The following RPA1 variants were observed in gnomAD, a reference collection of about 807,000 sequenced individuals.
RPA1 encodes the protein replication protein A1, also known as replication protein A 70 kDa DNA-binding subunit.
A neutral mutation model predicts 83.0 loss-of-function variants in RPA1; 49 were observed. The observed-to-expected ratio is 0.59, with a 90% CI of 0.47 to 0.75. RPA1 has a LOEUF of 0.75. Ranked by LOEUF, RPA1 falls within the 30% of genes least tolerant of loss-of-function variation. The pLI is 0.00. For missense variants in RPA1, 693 were observed against 776.1 expected (o/e 0.89, Z 1.27); for synonymous variants, 279 against 281.8 (o/e 0.99, Z 0.10).
rs145971466 is a variant in RPA1, at chr17:1,883,920, C to T, written c.1350C>T (p.Ser450=). The change falls in exon 13 of 17, where the codon TCC becomes TCT. Residue 450 remains serine, a synonymous_variant. Transcript: ENST00000254719. ...TNWKTLYEVK[S]ENLGQGDKPD... is the part of the protein sequence containing the mutation. ...GGAAAACCTTGTATGAGGTCAAATC[C>T]GAGAACCTGGGCCAAGGCGACAAGG... 174 of 1,613,952 alleles carry T rather than the reference C, an allele frequency of 1.1e-4. No individual in the cohort carries two copies. The African/African-American group carries it at 2.0e-3, about 18-fold the overall frequency.
intron 5 of RPA1, among the ~76,000 whole-genome samples, chr17:1,868,099 A>G (rs1913247642): frequency 6.6e-6 from 1 of 152,158 alleles, no homozygotes; most frequent in African/African-American, 2.4e-5. Flanking sequence ...GGAAAAAAAA[A>G]GAAAATAAAC....
intron 1 of RPA1, among the ~76,000 whole-genome samples, chr17:1,831,898 CTTTTTTT>C (rs138268342): frequency 1.1e-4 from 4 of 37,816 alleles, no homozygotes; most frequent in Non-Finnish European, 1.6e-4. Context: ...TGTGCCCGGC[CTTTTTTT>C]TTTTTTTTTT....
chr17:1,894,478 GA>G (rs1914322727), intron 15 of RPA1, among the ~76,000 whole-genome samples: 2 of 152,188 alleles, frequency 1.3e-5, no homozygotes, highest in Non-Finnish European at 2.9e-5. Flanking sequence ...TAAAGTCTTA[GA>G]AACTTCCTAA....
At chr17:1,853,415 G>A (rs1912574171) in intron 5 of RPA1, among the ~76,000 whole-genome samples, 1 of 152,190 alleles carries the variant, frequency 6.6e-6, no homozygotes, top group Admixed American at 6.5e-5. Flanking sequence ...GTGCACGGTG[G>A]CTCACACCTG....
intron 12 of RPA1, among the ~76,000 whole-genome samples, chr17:1,882,567 C>T (rs933901024): frequency 4.6e-5 from 7 of 152,112 alleles, no homozygotes; most frequent in African/African-American, 7.2e-5. Context: ...ACTCGGGAGG[C>T]TGAGGCACGA....
chr17:1,859,684 A>G (rs1912865685), intron 5 of RPA1, among the ~76,000 whole-genome samples: 1 of 152,026 alleles, frequency 6.6e-6, no homozygotes, highest in South Asian at 2.1e-4. Context: ...AGGCTGGAGT[A>G]CAGTGGTACA....
At chr17:1,881,778 T>C (rs1429269253) in intron 12 of RPA1, among the ~76,000 whole-genome samples, 4 of 152,184 alleles carry the variant, frequency 2.6e-5, no homozygotes, top group Non-Finnish European at 5.9e-5. Context: ...ATAAAATAAC[T>C]TGGCATTGAT....
chr17:1,868,876 G>C (rs1417171109), intron 5 of RPA1, among the ~76,000 whole-genome samples: 1 of 152,146 alleles, frequency 6.6e-6, no homozygotes, highest in Non-Finnish European at 1.5e-5. Context: ...CTGTATTTTT[G>C]TCTGCGTATA....
chr17:1,877,116 T>A (rs1236704207), intron 7 of RPA1, 96 bp from the exon 8 acceptor site: 1 of 1,144,496 alleles, frequency 8.7e-7, no homozygotes, highest in Non-Finnish European at 1.3e-6. Flanking sequence ...GAAAACGGAA[T>A]ATGCGTAAGA....
intron 5 of RPA1, among the ~76,000 whole-genome samples, chr17:1,868,005 G>T (rs1474254584): frequency 6.6e-6 from 1 of 151,756 alleles, no homozygotes; most frequent in Non-Finnish European, 1.5e-5. Flanking sequence ...ATTGCTTGAG[G>T]CCAGGAGGTC....
At chr17:1,849,353 T>C (rs748730563) in intron 4 of RPA1, among the ~76,000 whole-genome samples, 24 of 147,420 alleles carry the variant, frequency 1.6e-4, no homozygotes, top group Admixed American at 2.8e-4. Context: ...AGTGCAGTGG[T>C]GCGATCTCGG....
At chr17:1,862,194 A>ATTTTTTTT (rs57509401) in intron 5 of RPA1, among the ~76,000 whole-genome samples, 2 of 93,182 alleles carry the variant, frequency 2.1e-5, no homozygotes, top group Non-Finnish European at 3.8e-5. Context: ...CCCCAACCGT[A>ATTTTTTTT]TTTTTTTTTT....
chr17:1,867,860 G>A (rs957883676), intron 5 of RPA1, among the ~76,000 whole-genome samples: 1 of 152,006 alleles, frequency 6.6e-6, no homozygotes, highest in Non-Finnish European at 1.5e-5. Flanking sequence ...AGGAGGATCA[G>A]TTGCGCCCAG....
intron 5 of RPA1, among the ~76,000 whole-genome samples, chr17:1,855,966 T>C (rs1912677069): frequency 2.0e-5 from 3 of 152,202 alleles, no homozygotes; most frequent in Admixed American, 2.0e-4. Context: ...TTGAATTTAT[T>C]AGTCTATAGA....
chr17:1,830,761 G>A (rs1911523671), intron 1 of RPA1: 1 of 122,086 alleles, frequency 8.2e-6, no homozygotes, highest in Non-Finnish European at 1.9e-5. Context: ...TGACTCCCGA[G>A]GCAATTTCTT....
intron 15 of RPA1, 65 bp downstream of exon 15, chr17:1,892,005 C>A (rs1376256052): frequency 3.4e-6 from 4 of 1,173,052 alleles, no homozygotes; most frequent in Non-Finnish European, 4.8e-6. Flanking sequence ...AACACTGACC[C>A]CACACATTTT....
At chr17:1,888,496 G>A (rs1914076648) in intron 13 of RPA1, among the ~76,000 whole-genome samples, 179 bp from the exon 14 acceptor site, 1 of 152,194 alleles carries the variant, frequency 6.6e-6, no homozygotes, top group African/African-American at 2.4e-5. Context: ...CATGGGTTTT[G>A]TACTCGGCAC....
chr17:1,885,902 T>C (rs1049141339), intron 13 of RPA1, among the ~76,000 whole-genome samples: 2 of 152,254 alleles, frequency 1.3e-5, no homozygotes, highest in African/African-American at 2.4e-5. Flanking sequence ...GGCTGCAGAA[T>C]AGATGTTGTT....
intron 13 of RPA1, among the ~76,000 whole-genome samples, chr17:1,888,425 T>C (rs1006824989): frequency 6.6e-6 from 1 of 152,150 alleles, no homozygotes; most frequent in African/African-American, 2.4e-5. Context: ...GATTAACTCT[T>C]TTATTGTGAA....
Sources: allele counts gnomAD v4.1 joint callset (sites outside exome capture counted in the v4.1 genomes callset), GRCh38; gene constraint gnomAD v4.1.1; transcripts MANE v1.5; gene names NCBI Gene and HGNC (gene_info 2026-07-23, HGNC 2026-07-21).